Variants in PCDHB16 observed in about 807,000 individuals in gnomAD.
PCDHB16 encodes protocadherin beta-16.
For missense variants in PCDHB16, 1,026 were observed against 989.9 expected, an observed-to-expected ratio of 1.04 and a Z score of -0.49; for synonymous variants, 444 against 436.5, an observed-to-expected ratio of 1.02 and a Z score of -0.21.
chr5:141,183,217 C>A lies in PCDHB16; in HGVS notation c.658C>A (p.Pro220Thr), dbSNP rs781914430. The change falls in exon 1 of 1, where the codon CCA becomes ACA. Residue 220 changes from proline (P) to threonine (T), a missense_variant. Coordinates refer to ENST00000609684, the MANE Select transcript of PCDHB16 (RefSeq NM_020957.4). ...CCTGACAGCGCTGGATGGTGGCTCTCCACCGCGATCTGGAACTGCTCAGGT... is the reference window on the plus strand; with the variant it reads ...CCTGACAGCGCTGGATGGTGGCTCTACACCGCGATCTGGAACTGCTCAGGT... ...LTLTALDGGS[P>T]PRSGTAQVRI... The A allele has an allele frequency of 6.2e-7, 1 of 1,614,052 alleles. No homozygotes were observed. The highest frequency in any genetic ancestry group is 8.5e-7 in the Non-Finnish European group (1 of 1,180,052).
At position 141,184,591 on chromosome 5, in the gene PCDHB16, C is replaced by A; in HGVS notation, c.2032C>A (p.Pro678Thr). ...CTTCCTGCCGCTCCCAGAGGCGGCCCCCGGCCAGACCCAGGCCAACTCGCT... is the reference window on the plus strand; with the variant it reads ...CTTCCTGCCGCTCCCAGAGGCGGCCACCGGCCAGACCCAGGCCAACTCGCT... The part of the protein sequence containing the change: ...QPFLPLPEAA[P>T]GQTQANSLTV... The change falls in exon 1 of 1, where the codon CCC (proline) becomes ACC (threonine). Residue 678 changes from proline to threonine, a missense_variant. Pro to Thr is a conservative substitution (Grantham distance 38). Coordinates refer to ENST00000609684, the MANE Select transcript of PCDHB16 (RefSeq NM_020957.4). The A allele has an allele frequency of 1.2e-6, 2 of 1,612,452 alleles. No individual in the cohort carries two copies. Among genetic ancestry groups the A allele is most frequent in the African/African-American group, 1.3e-5 (1 of 75,034 alleles).
chr5:141,183,192 C>T lies in PCDHB16; in HGVS notation c.633C>T (p.Thr211=). ...DREEEPQLRL[T]LTALDGGSPP... is the part of the protein sequence containing the mutation. ...AGGAGGAGCCTCAACTAAGATTAAC[C>T]CTGACAGCGCTGGATGGTGGCTCTC... Residue 211 remains threonine (T), a synonymous_variant, in exon 1 of 1, where the codon ACC becomes ACT. Transcript: ENST00000609684. 1 of 1,614,140 alleles carries T rather than the reference C, an allele frequency of 6.2e-7. No homozygotes were observed. The highest frequency in any genetic ancestry group is 8.5e-7 in the Non-Finnish European group (1 of 1,180,024).
rs1263809403 is a variant in PCDHB16 at position 141,186,064 on chromosome 5, G to C, written c.*1174G>C. The C allele has an allele frequency of 2.0e-6, 2 of 998,916 alleles. No homozygotes were observed. The highest frequency in any genetic ancestry group is 1.2e-4 in the Admixed American group (2 of 16,240). The allele number at this position is 998,916 out of a possible 1,614,324, so 61.9% of individuals were successfully genotyped here. ...AAACTTATCAAAGAGACATTTACAT[G>C]GTTTGGCTTTTATATTCATCATAGT... On this transcript the variant is annotated 3_prime_UTR_variant, in exon 1 of 1. Transcript: ENST00000609684.
rs782073122 is a variant in PCDHB16, at chr5:141,183,123, C to A, written c.564C>A (p.Gly188=). 1.9e-6 allele frequency: 3 copies of A among 1,614,080 alleles called. No homozygotes were observed. In the South Asian group the frequency reaches 3.3e-5, roughly 18 times the overall value. ...FRVLIHEFRD[G]RKYPELVLDK... ...TTCTAATCCATGAATTCAGAGATGG[C>A]AGGAAATACCCTGAGCTAGTGTTGG... is the stretch of plus-strand genomic sequence containing the variant. The change falls in exon 1 of 1, where the codon GGC becomes GGA. Residue 188 remains glycine (G), a synonymous_variant. Coordinates refer to ENST00000609684, the MANE Select transcript of PCDHB16 (RefSeq NM_020957.4).
In PCDHB16 at chr5:141,186,029, G is replaced by A. The variant is rs1753725116; in HGVS notation, c.*1139G>A. The stretch of plus-strand genomic sequence containing the variant: ...ATGGCTAACAACTCAATCTCATTAA[G>A]TTGGAAAAAAAACTTATCAAAGAGA... On this transcript the variant is annotated 3_prime_UTR_variant, in exon 1 of 1. Coordinates refer to ENST00000609684, the MANE Select transcript of PCDHB16 (RefSeq NM_020957.4). 7.1e-6 allele frequency: 7 copies of A among 990,746 alleles called. No individual in the cohort carries two copies. Among genetic ancestry groups the A allele is most frequent in the Middle Eastern group, 5.2e-4 (1 of 1,926 alleles). The allele number at this position is 990,746 out of a possible 1,614,324, so 61.4% of individuals were successfully genotyped here. A position where few individuals can be genotyped will look rare whatever the true frequency, so the allele number is the denominator to read the frequency against.
rs781869512 is a variant in PCDHB16 at position 141,182,765 on chromosome 5, A to AG, written c.210dup (p.Asn71GlufsTer18). 2.0e-5 allele frequency: 33 copies of AG among 1,613,472 alleles called. No individual in the cohort carries two copies. The highest frequency in any genetic ancestry group is 2.6e-5 in the Non-Finnish European group (31 of 1,179,578). ...ACCCGCAAGGCCAGGATCATTTCCC[A>AG]GGGGAACAAACAGCATTTGCAGCTC... On this transcript the variant is annotated frameshift_variant, in exon 1 of 1. Coordinates refer to ENST00000609684, the MANE Select transcript of PCDHB16 (RefSeq NM_020957.4). LOFTEE classifies it low-confidence loss of function (END_TRUNC).
rs148236263 is a variant in PCDHB16 at position 141,184,593 on chromosome 5, C to G, written c.2034C>G (p.Pro678=). 18 of 1,612,452 alleles carry G rather than the reference C, an allele frequency of 1.1e-5. No individual in the cohort carries two copies. The highest frequency in any genetic ancestry group is 1.5e-5 in the Non-Finnish European group (18 of 1,179,790). The change falls in exon 1 of 1, where the codon CCC becomes CCG. Residue 678 remains proline, a synonymous_variant. Coordinates refer to ENST00000609684, the MANE Select transcript of PCDHB16 (RefSeq NM_020957.4). ...TCCTGCCGCTCCCAGAGGCGGCCCCCGGCCAGACCCAGGCCAACTCGCTCA... is the reference window on the plus strand; with the variant it reads ...TCCTGCCGCTCCCAGAGGCGGCCCCGGGCCAGACCCAGGCCAACTCGCTCA... ...QPFLPLPEAA[P]GQTQANSLTV...
rs538145403 is a variant in PCDHB16, at chr5:141,182,762, C to G, written c.203C>G (p.Ser68Cys). 6.2e-7 allele frequency: 1 copy of G among 1,613,320 alleles called. No homozygotes were observed. Among genetic ancestry groups the G allele is most frequent in the South Asian group, 1.1e-5 (1 of 91,070 alleles). The change falls in exon 1 of 1, where the codon TCC becomes TGC. Residue 68 changes from serine to cysteine, a missense_variant. By Grantham distance (112) the Ser-to-Cys change is moderately radical. Transcript: ENST00000609684. The stretch of plus-strand genomic sequence containing the variant: ...TCCACCCGCAAGGCCAGGATCATTT[C>G]CCAGGGGAACAAACAGCATTTGCAG... ...EMSTRKARII[S>C]QGNKQHLQLK...
chr5:141,183,598 G>C lies in PCDHB16; in HGVS notation c.1039G>C (p.Val347Leu), dbSNP rs28664170. Reference protein sequence around the residue: ...VVDVNDNPPQVTMSALTSPIP... With the variant: ...VVDVNDNPPQLTMSALTSPIP... ...GGACGTGAATGACAATCCCCCACAG[G>C]TGACCATGTCTGCACTCACCAGCCC... Residue 347 changes from valine to leucine, a missense_variant, in exon 1 of 1, where the codon GTG becomes CTG. By Grantham distance (32) the Val-to-Leu change is conservative. Coordinates refer to ENST00000609684, the MANE Select transcript of PCDHB16 (RefSeq NM_020957.4). The C allele has an allele frequency of 2.5e-6, 4 of 1,613,940 alleles. No homozygotes were observed. Among genetic ancestry groups the C allele is most frequent in the Admixed American group, 1.7e-5 (1 of 60,014 alleles).
At position 141,184,324 on chromosome 5, in the gene PCDHB16, G is replaced by A; in HGVS notation, c.1765G>A (p.Val589Met). 2.5e-6 allele frequency: 4 copies of A among 1,600,500 alleles called. No individual in the cohort carries two copies. The South Asian group carries it at 3.3e-5, about 13-fold the overall frequency. Residue 589 changes from valine (V) to methionine (M), a missense_variant, in exon 1 of 1, where the codon GTG becomes ATG. By Grantham distance (21) the Val-to-Met change is conservative. Coordinates refer to ENST00000609684, the MANE Select transcript of PCDHB16 (RefSeq NM_020957.4). ...AAEPGYLVTK[V>M]VAVDGDSGQN... ...CGAGCCGGGCTACCTGGTGACCAAGGTGGTGGCGGTGGACGGCGACTCGGG... is the reference window on the plus strand; with the variant it reads ...CGAGCCGGGCTACCTGGTGACCAAGATGGTGGCGGTGGACGGCGACTCGGG...
Position 141,183,293 on chromosome 5 carries a change from C to A in PCDHB16, c.734C>A (p.Pro245His). 1.2e-6 allele frequency: 2 copies of A among 1,614,134 alleles called. No individual in the cohort carries two copies. Among genetic ancestry groups the A allele is most frequent in the Non-Finnish European group, 1.7e-6 (2 of 1,180,004 alleles). ...INDNAPEFEQ[P>H]IYKVQIPENS... Reference sequence around the variant, plus strand: ...GATAACGCTCCTGAGTTTGAGCAGCCCATCTACAAAGTGCAGATTCCAGAG... The same window carrying A: ...GATAACGCTCCTGAGTTTGAGCAGCACATCTACAAAGTGCAGATTCCAGAG... The change falls in exon 1 of 1, where the codon CCC becomes CAC. Residue 245 changes from proline to histidine, a missense_variant. Coordinates refer to ENST00000609684, the MANE Select transcript of PCDHB16 (RefSeq NM_020957.4).
chr5:141,183,331 G>A lies in PCDHB16; in HGVS notation c.772G>A (p.Gly258Ser). 1 of 1,614,204 alleles carries A rather than the reference G, an allele frequency of 6.2e-7. No homozygotes were observed. The highest frequency in any genetic ancestry group is 8.5e-7 in the Non-Finnish European group (1 of 1,180,040). ...GCAGATTCCAGAGAACAGTCCTCTT[G>A]GCTCCCTGGTTGCCACCGTCTCCGC... ...KVQIPENSPL[G>S]SLVATVSARD... The change falls in exon 1 of 1, where the codon GGC (glycine) becomes AGC (serine). Residue 258 changes from glycine to serine, a missense_variant. Physicochemically the swap from Gly to Ser is moderately conservative, Grantham distance 56. Coordinates refer to ENST00000609684, the MANE Select transcript of PCDHB16 (RefSeq NM_020957.4).
Position 141,185,795 on chromosome 5 carries a change from A to G in PCDHB16, c.*905A>G. 1.0e-6 allele frequency: 1 copy of G among 982,104 alleles called. No homozygotes were observed. The highest frequency in any genetic ancestry group is 1.2e-6 in the Non-Finnish European group (1 of 813,670). The allele number at this position is 982,104 out of a possible 1,614,324, so 60.8% of individuals were successfully genotyped here. A position where few individuals can be genotyped will look rare whatever the true frequency, so the allele number is the denominator to read the frequency against. ...TTTCCCTGTATTGGTATCTCCTTAAATAAAATAAAATATTCCTATTGTAAG... is the reference window on the plus strand; with the variant it reads ...TTTCCCTGTATTGGTATCTCCTTAAGTAAAATAAAATATTCCTATTGTAAG... On this transcript the variant is annotated 3_prime_UTR_variant, in exon 1 of 1. Coordinates refer to ENST00000609684, the MANE Select transcript of PCDHB16 (RefSeq NM_020957.4).
rs782181021 is a variant in PCDHB16, at chr5:141,185,375, C to T, written c.*485C>T. The T allele has an allele frequency of 1.3e-6, 1 of 769,798 alleles. No individual in the cohort carries two copies. The allele number at this position is 769,798 out of a possible 1,614,324, so 47.7% of individuals were successfully genotyped here. A position where few individuals can be genotyped will look rare whatever the true frequency, so the allele number is the denominator to read the frequency against. On this transcript the variant is annotated 3_prime_UTR_variant, in exon 1 of 1. Transcript: ENST00000609684. The stretch of plus-strand genomic sequence containing the variant: ...GCTCAATTTTCATTATAATACTTTT[C>T]TTAAAGTTTCTTTCTTTCTTTTCTT...
chr5:141,186,060 A>G lies in PCDHB16; in HGVS notation c.*1170A>G, dbSNP rs1468182947. The G allele has an allele frequency of 2.0e-6, 2 of 999,206 alleles. No homozygotes were observed. Among genetic ancestry groups the G allele is most frequent in the Non-Finnish European group, 2.4e-6 (2 of 829,002 alleles). The allele number at this position is 999,206 out of a possible 1,614,324, so 61.9% of individuals were successfully genotyped here. ...AAAAAAACTTATCAAAGAGACATTT[A>G]CATGGTTTGGCTTTTATATTCATCA... On this transcript the variant is annotated 3_prime_UTR_variant, in exon 1 of 1. Transcript: ENST00000609684.
rs782432470 is a variant in PCDHB16, at chr5:141,183,681, C to A, written c.1122C>A (p.Asp374Glu). ...CTGTTTTCAGCGTTTCAGATCCTGA[C>A]TCCGGAAACAATGGGAAGACGATTT... ...VVAVFSVSDP[D>E]SGNNGKTISS... The change falls in exon 1 of 1, where the codon GAC (aspartate) becomes GAA (glutamate). Residue 374 changes from aspartate to glutamate, a missense_variant. Coordinates refer to ENST00000609684, the MANE Select transcript of PCDHB16 (RefSeq NM_020957.4). 2 of 1,614,190 alleles carry A rather than the reference C, an allele frequency of 1.2e-6. No individual in the cohort carries two copies. The highest frequency in any genetic ancestry group is 4.5e-5 in the East Asian group (2 of 44,878).
At position 141,183,992 on chromosome 5, in the gene PCDHB16, G is replaced by C. The variant is rs782443342; in HGVS notation, c.1433G>C (p.Arg478Thr). ...LHIGSVSATD[R>T]DSGTNAQVTY... ...ATCGGCAGCGTCAGCGCCACAGACA[G>C]AGACTCGGGCACCAACGCCCAGGTC... Residue 478 changes from arginine (R) to threonine (T), a missense_variant, in exon 1 of 1, where the codon AGA (arginine) becomes ACA (threonine). Physicochemically the swap from Arg to Thr is moderately conservative, Grantham distance 71. Transcript: ENST00000609684. 1.2e-6 allele frequency: 2 copies of C among 1,610,766 alleles called. No individual in the cohort carries two copies. The highest frequency in any genetic ancestry group is 2.7e-5 in the African/African-American group (2 of 74,382).
At position 141,183,929 on chromosome 5, in the gene PCDHB16, C is replaced by T. The variant is rs1554282239; in HGVS notation, c.1370C>T (p.Thr457Ile). 3.1e-6 allele frequency: 5 copies of T among 1,614,000 alleles called. No individual in the cohort carries two copies. The South Asian group carries it at 3.3e-5, about 11-fold the overall frequency. The change falls in exon 1 of 1, where the codon ACC becomes ATC. Residue 457 changes from threonine (T) to isoleucine (I), a missense_variant. Transcript: ENST00000609684. ...CCCACTTTCACCCAAACCTCCTACA[C>T]CCTGTTCGTCCGCGAGAACAACAGC... is the stretch of plus-strand genomic sequence containing the variant. ...NAPTFTQTSY[T>I]LFVRENNSPA... is the part of the protein sequence containing the mutation.
In PCDHB16 at chr5:141,186,056, A is replaced by G. The variant is rs1214590434; in HGVS notation, c.*1166A>G. The G allele has an allele frequency of 4.0e-6, 4 of 998,978 alleles. No homozygotes were observed. The African/African-American group carries it at 7.0e-5, about 17-fold the overall frequency. 61.9% of individuals were successfully genotyped at this position (998,978 alleles called of 1,614,324 possible). On this transcript the variant is annotated 3_prime_UTR_variant, in exon 1 of 1. Transcript: ENST00000609684. ...TGGAAAAAAAACTTATCAAAGAGACATTTACATGGTTTGGCTTTTATATTC... is the reference window on the plus strand; with the variant it reads ...TGGAAAAAAAACTTATCAAAGAGACGTTTACATGGTTTGGCTTTTATATTC...
Sources: allele counts gnomAD v4.1 joint callset, GRCh38; gene constraint gnomAD v4.1.1; transcripts MANE v1.5; gene names NCBI Gene and HGNC (gene_info 2026-07-23, HGNC 2026-07-21).